The following XIRP2 variants were observed in gnomAD, a reference collection of about 807,000 sequenced individuals.
The protein encoded by XIRP2 is xin actin binding repeat containing 2.
Under a neutral mutation model 277.0 loss-of-function variants are expected in XIRP2, and 236 were observed. The ratio of observed to expected loss-of-function variants is 0.85; its 90% CI spans 0.77 to 0.95. The LOEUF (loss-of-function observed/expected upper bound fraction) is 0.95. Among genes scored for constraint, XIRP2 ranks in the 40% least tolerant of loss-of-function variants. XIRP2 has a pLI of 0.00. For missense variants in XIRP2, 4,640 were observed against 4,157.5 expected, an observed-to-expected ratio of 1.12 and a Z score of -3.19; for synonymous variants, 1,490 against 1,416.5, an observed-to-expected ratio of 1.05 and a Z score of -1.17.
At chr2:166,969,896 T>C (rs781452287) in intron 2 of XIRP2, among the ~76,000 whole-genome samples, 8 of 151,940 alleles carry the variant, frequency 5.3e-5, no homozygotes, top group Non-Finnish European at 1.2e-4. Context: ...GAAACATTTG[T>C]ACACATTTAG....
intron 2 of XIRP2, among the ~76,000 whole-genome samples, chr2:166,978,005 A>T (rs1686760539): frequency 6.6e-6 from 1 of 152,146 alleles, no homozygotes; most frequent in Non-Finnish European, 1.5e-5. Context: ...TAAATTTATA[A>T]TTCAAGTCTA....
intron 2 of XIRP2, among the ~76,000 whole-genome samples, chr2:167,080,850 A>G (rs1451871893): frequency 3.9e-5 from 6 of 152,160 alleles, no homozygotes; most frequent in African/African-American, 1.2e-4. Context: ...TTAAAGTTTT[A>G]ACAAATCATG....
chr2:166,969,160 A>T (rs1040674874), intron 2 of XIRP2, among the ~76,000 whole-genome samples: 1 of 151,992 alleles, frequency 6.6e-6, no homozygotes, highest in African/African-American at 2.4e-5. Flanking sequence ...AGTGAAAAAA[A>T]TATTGAATAT....
intron 3 of XIRP2, among the ~76,000 whole-genome samples, chr2:167,141,468 G>A (rs1004767): frequency 0.11 from 15,976 of 152,148 alleles, 937 homozygotes; most frequent in African/African-American, 0.16. Flanking sequence ...ATGGTATATC[G>A]GAAGACAGCA....
chr2:166,996,787 A>G (rs1014513179), intron 2 of XIRP2, among the ~76,000 whole-genome samples: 2 of 152,130 alleles, frequency 1.3e-5, no homozygotes, highest in African/African-American at 4.8e-5. Context: ...CGACCACTCC[A>G]GTGCACAACA....
At chr2:166,968,000 TCTG>T (rs1407475143) in intron 2 of XIRP2, among the ~76,000 whole-genome samples, 1 of 151,936 alleles carries the variant, frequency 6.6e-6, no homozygotes, top group Non-Finnish European at 1.5e-5. Flanking sequence ...ATAAGGGTAA[TCTG>T]ATGATTGGGC....
At chr2:166,944,816 T>C (rs751438803) in intron 2 of XIRP2, among the ~76,000 whole-genome samples, 1 of 152,106 alleles carries the variant, frequency 6.6e-6, no homozygotes, top group Non-Finnish European at 1.5e-5. Flanking sequence ...CATAAAGACA[T>C]TAAGTAAAAT....
chr2:167,118,348 G>A (rs986753117), intron 2 of XIRP2, among the ~76,000 whole-genome samples: 10 of 152,022 alleles, frequency 6.6e-5, no homozygotes, highest in African/African-American at 2.4e-4. Context: ...CAGGCGTGGT[G>A]GCATACGCCT....
At chr2:166,944,359 G>A (rs1278806639) in intron 2 of XIRP2, among the ~76,000 whole-genome samples, 1 of 152,154 alleles carries the variant, frequency 6.6e-6, no homozygotes, top group African/African-American at 2.4e-5. Context: ...TTGCCTCATA[G>A]AAGTCAACTT....
At chr2:167,126,170 T>G (rs554306840) in intron 2 of XIRP2, among the ~76,000 whole-genome samples, 1 of 139,782 alleles carries the variant, frequency 7.2e-6, no homozygotes, top group East Asian at 2.1e-4. Flanking sequence ...TTGTGCTCCT[T>G]GTGCGCTCTC....
At chr2:167,212,978 C>CA (rs775100499) in intron 4 of XIRP2, among the ~76,000 whole-genome samples, 7 of 141,616 alleles carry the variant, frequency 4.9e-5, no homozygotes, top group Non-Finnish European at 1.1e-4. Context: ...TGTATCTCCA[C>CA]AATTAACCCA....
chr2:167,080,296 T>G (rs2105261105), intron 2 of XIRP2, among the ~76,000 whole-genome samples: 1 of 152,286 alleles, frequency 6.6e-6, no homozygotes, highest in South Asian at 2.1e-4. Flanking sequence ...AATGAGAAAT[T>G]TTAGAATAAA....
At position 166,914,512 on chromosome 2, in the gene XIRP2, T is replaced by A. The variant is rs551488806; in HGVS notation, c.408+10622T>A. ...CCCGCCACCTTGCCCGGCTAATTTT[T>A]TGTATTTTTAGTAGAGATGGGATTT... is the stretch of plus-strand genomic sequence containing the variant. On this transcript the variant is annotated intron_variant, in intron 2 of 10. Coordinates refer to ENST00000409195, the MANE Select transcript of XIRP2 (RefSeq NM_152381.6). Among the ~76,000 whole-genome samples, 25 of 152,182 alleles carry A rather than the reference T, an allele frequency of 1.6e-4. 1 individual carries two copies. Among genetic ancestry groups the A allele is most frequent in the Admixed American group, 4.6e-4 (7 of 15,286 alleles).
At chr2:167,012,166 TG>T (rs1209822971) in intron 2 of XIRP2, among the ~76,000 whole-genome samples, 1 of 151,968 alleles carries the variant, frequency 6.6e-6, no homozygotes, top group African/African-American at 2.4e-5. Flanking sequence ...GTGTCAATTT[TG>T]GATCTTTCCT....
At chr2:166,892,345 G>A (rs1684125137) in intron 1 of XIRP2, among the ~76,000 whole-genome samples, 1 of 152,162 alleles carries the variant, frequency 6.6e-6, no homozygotes, top group Non-Finnish European at 1.5e-5. Flanking sequence ...CTGGGCCGGA[G>A]TATGGTGGGT....
At chr2:167,019,902 G>T (rs764403092) in intron 2 of XIRP2, among the ~76,000 whole-genome samples, 16 of 152,020 alleles carry the variant, frequency 1.1e-4, no homozygotes, top group Non-Finnish European at 2.2e-4. Flanking sequence ...TGTACTGCCA[G>T]TCTAAGTGCT....
chr2:167,121,742 T>C (rs1691063797), intron 2 of XIRP2, among the ~76,000 whole-genome samples: 1 of 152,154 alleles, frequency 6.6e-6, no homozygotes, highest in Non-Finnish European at 1.5e-5. Flanking sequence ...GCAGTATTTC[T>C]GCTTTATATG....
At chr2:167,102,831 G>A (rs1290103509) in intron 2 of XIRP2, among the ~76,000 whole-genome samples, 4 of 152,146 alleles carry the variant, frequency 2.6e-5, no homozygotes. Context: ...GTTGGTAGCA[G>A]CCATTTTTGT....
At chr2:167,025,846 A>G (rs199851357) in intron 2 of XIRP2, among the ~76,000 whole-genome samples, 4,578 of 151,980 alleles carry the variant, frequency 0.03, 78 homozygotes, top group East Asian at 0.082. Flanking sequence ...CTGTTCTTTT[A>G]CATTTGCTGA....
Sources: gnomAD v4.1 joint callset for allele counts (sites outside exome capture counted in the v4.1 genomes callset) on GRCh38, gnomAD v4.1.1 for gene constraint, MANE v1.5 for transcripts, NCBI Gene and HGNC (gene_info 2026-07-23, HGNC 2026-07-21) for gene names.